TXNDC15: variants seen among roughly 807,000 people sequenced by gnomAD.
TXNDC15 encodes the protein thioredoxin domain containing 15.
Under a neutral mutation model 35.0 loss-of-function variants are expected in TXNDC15, and 24 were observed. The ratio of observed to expected loss-of-function variants is 0.68; its 90% CI spans 0.50 to 0.96. TXNDC15 has a LOEUF of 0.96. TXNDC15 is among the 40% of genes least tolerant of loss of function. The pLI, the probability that TXNDC15 is intolerant of heterozygous loss-of-function variation, is 0.00. For synonymous variants in TXNDC15, 169 were observed against 174.0 expected (o/e 0.97, Z 0.23); for missense variants, 385 against 453.3 (o/e 0.85, Z 1.37).
At chr5:134,897,807 G>C (rs897145825) in intron 4 of TXNDC15, among the ~76,000 whole-genome samples, 1 of 151,928 alleles carries the variant, frequency 6.6e-6, no homozygotes, top group African/African-American at 2.4e-5. Context: ...CCAGGAGTTC[G>C]AGACCAGCCT....
chr5:134,881,793 C>T (rs1215541622), intron 1 of TXNDC15, among the ~76,000 whole-genome samples: 4 of 149,234 alleles, frequency 2.7e-5, no homozygotes, highest in African/African-American at 7.4e-5. Context: ...ACCTCCCGGA[C>T]GGGGCGGCTG....
At position 134,900,116 on chromosome 5, in the gene TXNDC15, A is replaced by G. The variant is rs1750570054; in HGVS notation, c.*431A>G. On this transcript the variant is annotated 3_prime_UTR_variant, in exon 5 of 5. Transcript: ENST00000358387. ...TCTGTTTCTTTGCAGTTTTTCTTCTAGAGTCCATAGCAGGAAAGTATGTAA... is the reference window on the plus strand; with the variant it reads ...TCTGTTTCTTTGCAGTTTTTCTTCTGGAGTCCATAGCAGGAAAGTATGTAA... 1 of 154,192 alleles carries G rather than the reference A, an allele frequency of 6.5e-6. No individual in the cohort carries two copies. Among genetic ancestry groups the G allele is most frequent in the African/African-American group, 2.4e-5 (1 of 41,468 alleles). The allele number at this position is 154,192 out of a possible 1,614,324, so 9.6% of individuals were successfully genotyped here.
chr5:134,875,568 C>T (rs1344455831), intron 1 of TXNDC15, among the ~76,000 whole-genome samples: 1 of 151,098 alleles, frequency 6.6e-6, no homozygotes, highest in African/African-American at 2.4e-5. Flanking sequence ...CCCATCATGG[C>T]TCCCTGCAGC....
At chr5:134,885,811 A>C (rs1206460282) in intron 1 of TXNDC15, among the ~76,000 whole-genome samples, 1 of 152,172 alleles carries the variant, frequency 6.6e-6, no homozygotes, top group Non-Finnish European at 1.5e-5. Flanking sequence ...CTGTTGCCTC[A>C]TAACTGATTT....
In TXNDC15 at chr5:134,893,614, A is replaced by G. The variant is rs1196365006; in HGVS notation, c.714A>G (p.Pro238=). The part of the protein sequence containing the change: ...PHFNSLPRAF[P]ALHFLALDAS... ...TTAACTCTCTGCCCCGGGCATTTCCAGCTCTTCACTTTTTGGCACTGGATG... is the reference window on the plus strand; with the variant it reads ...TTAACTCTCTGCCCCGGGCATTTCCGGCTCTTCACTTTTTGGCACTGGATG... Residue 238 remains proline, a synonymous_variant, in exon 3 of 5, where the codon CCA becomes CCG. Coordinates refer to ENST00000358387, the MANE Select transcript of TXNDC15 (RefSeq NM_024715.4). 2 of 1,613,966 alleles carry G rather than the reference A, an allele frequency of 1.2e-6. No individual in the cohort carries two copies. Among genetic ancestry groups the G allele is most frequent in the Non-Finnish European group, 1.7e-6 (2 of 1,180,026 alleles).
chr5:134,893,711 T>A, intron 3 of TXNDC15, 56 bp downstream of exon 3: 1 of 1,606,926 alleles, frequency 6.2e-7, no homozygotes, highest in Admixed American at 1.7e-5. Flanking sequence ...TTGCAGTTAT[T>A]TGGAGGTCCT....
intron 2 of TXNDC15, 64 bp downstream of exon 2, chr5:134,888,246 A>G (rs1750318379): frequency 4.2e-6 from 6 of 1,416,198 alleles, no homozygotes; most frequent in Non-Finnish European, 4.8e-6. Flanking sequence ...TTAATACCCT[A>G]TCAACTTTGA....
Position 134,884,073 on chromosome 5 carries a change from A to T in TXNDC15, c.104-3622A>T, listed in dbSNP as rs1234279863. Reference sequence around the variant, plus strand: ...ATCTCTACTAAAAAATACAAAAATTAGTCAGGTGTGGTGGCAGGCACCTAT... The same window carrying T: ...ATCTCTACTAAAAAATACAAAAATTTGTCAGGTGTGGTGGCAGGCACCTAT... On this transcript the variant is annotated intron_variant, in intron 1 of 4. Coordinates refer to ENST00000358387, the MANE Select transcript of TXNDC15 (RefSeq NM_024715.4). Among the ~76,000 whole-genome samples, 5 of 150,672 alleles carry T rather than the reference A, an allele frequency of 3.3e-5. No homozygotes were observed. In the East Asian group the frequency reaches 7.9e-4, roughly 24 times the overall value.
In TXNDC15 at chr5:134,874,447, G is replaced by A; in HGVS notation, c.20G>A (p.Arg7Gln). 1 of 1,602,200 alleles carries A rather than the reference G, an allele frequency of 6.2e-7. No individual in the cohort carries two copies. The change falls in exon 1 of 5, where the codon CGA (arginine) becomes CAA (glutamine). Residue 7 changes from arginine to glutamine, a missense_variant. By Grantham distance (43) the Arg-to-Gln change is conservative. Transcript: ENST00000358387. MVPAAG[R>Q]RPPRVMRLLG... is the part of the protein sequence containing the mutation. ...TGGGCAATGGTCCCGGCTGCCGGTC[G>A]ACGACCGCCCCGCGTCATGCGGCTC...
At chr5:134,899,351 C>A in intron 4 of TXNDC15, 138 bp from the exon 5 acceptor site, 1 of 678,502 alleles carries the variant, frequency 1.5e-6, no homozygotes, top group Non-Finnish European at 2.4e-6. Context: ...GAAATCCATC[C>A]CATATATTTA....
intron 3 of TXNDC15, among the ~76,000 whole-genome samples, chr5:134,895,511 A>C (rs1368191426): frequency 6.6e-6 from 1 of 152,128 alleles, no homozygotes; most frequent in Non-Finnish European, 1.5e-5. Context: ...TTGTATCTTA[A>C]TTATGGAGAC....
intron 1 of TXNDC15, among the ~76,000 whole-genome samples, chr5:134,881,332 C>T (rs1358415111): frequency 1.4e-4 from 16 of 112,568 alleles, no homozygotes; most frequent in Admixed American, 3.0e-4. Context: ...GAGGACCCTG[C>T]GGCCTTCCGC....
At chr5:134,893,795 TAGTGAG>T in intron 3 of TXNDC15, 140 bp downstream of exon 3, 1 of 1,122,990 alleles carries the variant, frequency 8.9e-7, no homozygotes, top group Non-Finnish European at 1.3e-6. Context: ...CAAGAGTGAA[TAGTGAG>T]GATTATCATA....
In TXNDC15 at chr5:134,879,947, C is replaced by T. The variant is rs540568521; in HGVS notation, c.103+5417C>T. Among the ~76,000 whole-genome samples, 135 of 152,214 alleles carry T rather than the reference C, an allele frequency of 8.9e-4. No individual in the cohort carries two copies. The Middle Eastern group carries it at 0.014, about 15-fold the overall frequency. On this transcript the variant is annotated intron_variant, in intron 1 of 4. Coordinates refer to ENST00000358387, the MANE Select transcript of TXNDC15 (RefSeq NM_024715.4). ...AGTAGCTGGGATTACCGGTGCATGC[C>T]GCCACATCTGGCTAATTTTTGTATT... is the stretch of plus-strand genomic sequence containing the variant.
chr5:134,896,856 G>A (rs971901998), intron 4 of TXNDC15, among the ~76,000 whole-genome samples: 2 of 152,010 alleles, frequency 1.3e-5, no homozygotes, highest in Non-Finnish European at 2.9e-5. Context: ...TGTTAGCCAG[G>A]ATGGTCTCGA....
At position 134,900,694 on chromosome 5, in the gene TXNDC15, A is replaced by G. The variant is rs950300528; in HGVS notation, c.*1009A>G. 1 of 152,206 alleles carries G rather than the reference A, an allele frequency of 6.6e-6. No individual in the cohort carries two copies. Among genetic ancestry groups the G allele is most frequent in the Non-Finnish European group, 1.5e-5 (1 of 68,074 alleles). The allele number at this position is 152,206 out of a possible 1,614,324, so 9.4% of individuals were successfully genotyped here. A position where few individuals can be genotyped will look rare whatever the true frequency, so the allele number is the denominator to read the frequency against. On this transcript the variant is annotated 3_prime_UTR_variant, in exon 5 of 5. Coordinates refer to ENST00000358387, the MANE Select transcript of TXNDC15 (RefSeq NM_024715.4). ...TCCATCTCAAAAACAAACAAAAAGA[A>G]GTATTGAAGTGTAAAACACTGTTCT...
chr5:134,875,789 C>T (rs1750022361), intron 1 of TXNDC15, among the ~76,000 whole-genome samples: 1 of 152,092 alleles, frequency 6.6e-6, no homozygotes, highest in Non-Finnish European at 1.5e-5. Context: ...CGTGCCTCAG[C>T]CTCCTGAGTA....
intron 1 of TXNDC15, among the ~76,000 whole-genome samples, chr5:134,879,890 G>A (rs1053283422): frequency 1.9e-4 from 28 of 150,522 alleles, no homozygotes; most frequent in African/African-American, 6.2e-4. Context: ...CTGCCTCCCA[G>A]GTTCAAGTGA....
At position 134,887,984 on chromosome 5, in the gene TXNDC15, C is replaced by A; in HGVS notation, c.393C>A (p.Phe131Leu). ...GGTGCAACGTCCGAGAGAGCCTTTT[C>A]TCTCTGGATGGCGCTGGAGCACACT... is the stretch of plus-strand genomic sequence containing the variant. ...DSRCNVRESL[F>L]SLDGAGAHFP... The change falls in exon 2 of 5, where the codon TTC (phenylalanine) becomes TTA (leucine). Residue 131 changes from phenylalanine to leucine, a missense_variant. Phe to Leu is a conservative substitution (Grantham distance 22). Coordinates refer to ENST00000358387, the MANE Select transcript of TXNDC15 (RefSeq NM_024715.4). The A allele has an allele frequency of 6.2e-7, 1 of 1,614,234 alleles. No individual in the cohort carries two copies. Among genetic ancestry groups the A allele is most frequent in the Non-Finnish European group, 8.5e-7 (1 of 1,180,044 alleles).
Sources: allele counts gnomAD v4.1 joint callset (sites outside exome capture counted in the v4.1 genomes callset), GRCh38; gene constraint gnomAD v4.1.1; transcripts MANE v1.5; gene names NCBI Gene and HGNC (gene_info 2026-07-23, HGNC 2026-07-21).